PPP4R2: variants seen among roughly 807,000 people sequenced by gnomAD.
PPP4R2 encodes protein phosphatase 4 regulatory subunit 2, also known as serine/threonine-protein phosphatase 4 regulatory subunit 2.
In PPP4R2, 13 loss-of-function variants were observed where a neutral mutation model predicts 47.2. The observed-to-expected ratio is 0.28, with a 90% CI of 0.18 to 0.44. The LOEUF (loss-of-function observed/expected upper bound fraction) is 0.44. PPP4R2 is among the 20% of genes least tolerant of loss of function. PPP4R2 has a pLI of 1.00. For missense variants in PPP4R2, 421 were observed against 491.2 expected (o/e 0.86, Z 1.35); for synonymous variants, 151 against 163.3 (o/e 0.92, Z 0.57).
intron 2 of PPP4R2, among the ~76,000 whole-genome samples, chr3:73,006,340 AG>A (rs1701609507): frequency 6.6e-6 from 1 of 151,698 alleles, no homozygotes; most frequent in African/African-American, 2.4e-5. Context: ...CTGGGGCCAC[AG>A]GCGCGCGCCA....
intron 2 of PPP4R2, among the ~76,000 whole-genome samples, chr3:73,016,589 T>C (rs559350621): frequency 1.3e-5 from 2 of 152,288 alleles, no homozygotes; most frequent in Non-Finnish European, 2.9e-5. Flanking sequence ...TTAAGGTCTT[T>C]AACCAAGTCT....
chr3:73,055,404 C>T (rs1438150972), intron 3 of PPP4R2, among the ~76,000 whole-genome samples: 1 of 129,584 alleles, frequency 7.7e-6, no homozygotes, highest in African/African-American at 3.1e-5. Flanking sequence ...AGTAAGGTCT[C>T]CTAGTGGGGT....
intron 3 of PPP4R2, among the ~76,000 whole-genome samples, chr3:73,047,810 G>A (rs1284512628): frequency 6.6e-6 from 1 of 152,016 alleles, no homozygotes; most frequent in Non-Finnish European, 1.5e-5. Context: ...ATTTTTGGCC[G>A]CTTGTAAAAC....
chr3:73,020,586 C>G (rs927512467), intron 2 of PPP4R2, among the ~76,000 whole-genome samples: 4 of 150,160 alleles, frequency 2.7e-5, no homozygotes, highest in Admixed American at 1.3e-4. Context: ...GGGAGGATCA[C>G]TTGAGCCTGG....
chr3:73,021,073 C>G (rs192790610), intron 2 of PPP4R2, among the ~76,000 whole-genome samples: 1 of 152,122 alleles, frequency 6.6e-6, no homozygotes, highest in African/African-American at 2.4e-5. Context: ...TTAATGTTTA[C>G]TGGTTAAATT....
intron 2 of PPP4R2, among the ~76,000 whole-genome samples, chr3:73,007,084 C>G (rs908633859): frequency 6.6e-6 from 1 of 152,188 alleles, no homozygotes; most frequent in Admixed American, 6.5e-5. Flanking sequence ...TCTTAGAATT[C>G]TGCTTTTTAG....
chr3:73,046,929 C>G (rs1463841796), intron 2 of PPP4R2, among the ~76,000 whole-genome samples: 1 of 152,098 alleles, frequency 6.6e-6, no homozygotes, highest in Non-Finnish European at 1.5e-5. Context: ...CATAGACTTT[C>G]AGGCAGAGGT....
chr3:73,040,322 G>T (rs902877353), intron 2 of PPP4R2, among the ~76,000 whole-genome samples: 1 of 152,098 alleles, frequency 6.6e-6, no homozygotes, highest in Non-Finnish European at 1.5e-5. Context: ...TGTCTGGGGA[G>T]TTTCTGAAGG....
chr3:72,999,040 G>T (rs1419755572), intron 2 of PPP4R2, among the ~76,000 whole-genome samples: 1 of 152,140 alleles, frequency 6.6e-6, no homozygotes, highest in Non-Finnish European at 1.5e-5. Context: ...TTTCTCACAA[G>T]ATTTGCTTAT....
At position 73,065,978 on chromosome 3, in the gene PPP4R2, G is replaced by T. The variant is rs1454079424; in HGVS notation, c.*256G>T. ...TGGGCAAATCAGTGGTTTGTGTATAGATTTTTTTTTTTTTTTAATTTAGGA... is the reference window on the plus strand; with the variant it reads ...TGGGCAAATCAGTGGTTTGTGTATATATTTTTTTTTTTTTTTAATTTAGGA... On this transcript the variant is annotated 3_prime_UTR_variant, in exon 9 of 9. Transcript: ENST00000356692. 5 of 198,388 alleles carry T rather than the reference G, an allele frequency of 2.5e-5. No homozygotes were observed. The highest frequency in any genetic ancestry group is 2.7e-5 in the Non-Finnish European group (3 of 112,034). The allele number at this position is 198,388 out of a possible 1,614,324, so 12.3% of individuals were successfully genotyped here.
intron 2 of PPP4R2, among the ~76,000 whole-genome samples, chr3:73,013,411 ATG>A (rs1002591715): frequency 2.0e-5 from 3 of 152,234 alleles, no homozygotes; most frequent in African/African-American, 7.2e-5. Context: ...GTGCCTATAA[ATG>A]TGGAAAACTC....
intron 2 of PPP4R2, among the ~76,000 whole-genome samples, chr3:73,011,817 C>G (rs937016132): frequency 2.6e-5 from 4 of 152,154 alleles, no homozygotes; most frequent in Non-Finnish European, 5.9e-5. Flanking sequence ...TTAATATATG[C>G]ATCTTGGATT....
rs367711117 is a variant in PPP4R2 at position 73,062,943 on chromosome 3, A to T, written c.420-730A>T. 1.2e-4 allele frequency: 190 copies of T among 1,546,468 alleles called. No homozygotes were observed. The African/African-American group carries it at 2.4e-3, about 20-fold the overall frequency. The stretch of plus-strand genomic sequence containing the variant: ...ATGACAACCTATTAATGCTGTGAGA[A>T]TGTTTCTAGATCAGTGCATGGATGG... On this transcript the variant is annotated intron_variant, in intron 5 of 8. Transcript: ENST00000356692.
At chr3:73,013,632 C>A (rs1040930751) in intron 2 of PPP4R2, among the ~76,000 whole-genome samples, 1 of 143,554 alleles carries the variant, frequency 7.0e-6, no homozygotes, top group Non-Finnish European at 1.5e-5. Flanking sequence ...TATTTAGATA[C>A]CTTTTTTCTT....
intron 2 of PPP4R2, among the ~76,000 whole-genome samples, chr3:73,016,929 A>T (rs1430175973): frequency 6.7e-6 from 1 of 149,940 alleles, no homozygotes; most frequent in East Asian, 2.0e-4. Flanking sequence ...CGGGTTCAAG[A>T]GATTTTCATG....
intron 2 of PPP4R2, among the ~76,000 whole-genome samples, chr3:73,002,129 TTAACA>T (rs1424592267): frequency 2.0e-5 from 3 of 152,258 alleles, no homozygotes; most frequent in Non-Finnish European, 4.4e-5. Context: ...TTAACTTCAC[TTAACA>T]TAATGGCCTA....
At chr3:73,029,359 A>G (rs1266335943) in intron 2 of PPP4R2, among the ~76,000 whole-genome samples, 1 of 152,254 alleles carries the variant, frequency 6.6e-6, no homozygotes, top group East Asian at 1.9e-4. Context: ...AGGCAGGGGT[A>G]TTGAAATCAG....
upstream of PPP4R2, chr3:72,996,802 T>G (rs1168002273): frequency 2.7e-6 from 1 of 372,976 alleles, no homozygotes; most frequent in Non-Finnish European, 4.8e-6. Context: ...GTGCGCGCGG[T>G]GACGTACCGG....
chr3:72,997,705 C>G (rs551584409), intron 1 of PPP4R2, among the ~76,000 whole-genome samples: 1 of 152,152 alleles, frequency 6.6e-6, no homozygotes, highest in Non-Finnish European at 1.5e-5. Flanking sequence ...GTAGTTGGTG[C>G]TTCTTAGAAA....
Sources: allele counts gnomAD v4.1 joint callset (sites outside exome capture counted in the v4.1 genomes callset), GRCh38; gene constraint gnomAD v4.1.1; transcripts MANE v1.5; gene names NCBI Gene and HGNC (gene_info 2026-07-23, HGNC 2026-07-21).